Variants in C2CD3 observed in about 807,000 individuals in gnomAD.
C2CD3 encodes the protein C2 domain containing 3 centriole elongation regulator.
Under a neutral mutation model 234.0 loss-of-function variants are expected in C2CD3, and 148 were observed. The ratio of observed to expected loss-of-function variants is 0.63; its 90% CI spans 0.55 to 0.72. C2CD3 has a LOEUF of 0.72. Among genes scored for constraint, C2CD3 ranks in the 30% least tolerant of loss-of-function variants. The pLI is 0.00. For missense variants in C2CD3, 2,577 were observed against 2,811.5 expected, an observed-to-expected ratio of 0.92 and a Z score of 1.89; for synonymous variants, 1,000 against 1,035.4, an observed-to-expected ratio of 0.97 and a Z score of 0.66.
chr11:74,118,027 C>T (rs530683084), intron 9 of C2CD3, among the ~76,000 whole-genome samples: 1 of 152,180 alleles, frequency 6.6e-6, no homozygotes, highest in African/African-American at 2.4e-5. Context: ...AATCAAACAC[C>T]ACCTGTTCCC....
At chr11:74,113,754 G>A in intron 11 of C2CD3, 26 bp downstream of exon 11, 2 of 1,250,422 alleles carry the variant, frequency 1.6e-6, no homozygotes, top group Non-Finnish European at 2.4e-6. Context: ...AATGTCTAAG[G>A]TGCAGAAAAC....
At position 74,116,950 on chromosome 11, in the gene C2CD3, ATATATGTG is replaced by A. The variant is rs1189876514; in HGVS notation, c.1520+1270_1520+1277del. ...CACGTGTATATACACATATACACGT[ATATATGTG>A]TATATACACATATACACGTATATAT... is the stretch of plus-strand genomic sequence containing the variant. On this transcript the variant is annotated intron_variant, in intron 9 of 32. Coordinates refer to ENST00000334126, the MANE Select transcript of C2CD3 (RefSeq NM_001286577.2). 6.2e-4 allele frequency among the ~76,000 whole-genome samples: 55 copies of A among 88,946 alleles called. 1 individual carries two copies. Among genetic ancestry groups the A allele is most frequent in the Non-Finnish European group, 1.1e-3 (45 of 39,910 alleles). The allele number at this position is 88,946 out of a possible 152,430, so 58.4% of individuals were successfully genotyped here.
chr11:74,092,828 A>G (rs1955948233), intron 18 of C2CD3, among the ~76,000 whole-genome samples: 1 of 152,096 alleles, frequency 6.6e-6, no homozygotes, highest in South Asian at 2.1e-4. Flanking sequence ...GTAACTGTAC[A>G]TGCCTTGAAC....
At position 74,013,457 on chromosome 11, in the gene C2CD3, G is replaced by C; in HGVS notation, c.6990C>G (p.Pro2330=). 1 of 1,433,378 alleles carries C rather than the reference G, an allele frequency of 7.0e-7. No individual in the cohort carries two copies. Among genetic ancestry groups the C allele is most frequent in the Non-Finnish European group, 9.1e-7 (1 of 1,098,080 alleles). 88.8% of individuals were successfully genotyped at this position (1,433,378 alleles called of 1,614,324 possible). ...RPCRPRPNSL[P]LNLPEEETLR... ...GAGTTTCTTCCTCAGGCAGGTTGAGGGGGAGCGAGTTAGGTCTGGGGCGAC... is the reference window on the plus strand; with the variant it reads ...GAGTTTCTTCCTCAGGCAGGTTGAGCGGGAGCGAGTTAGGTCTGGGGCGAC... The change falls in exon 33 of 33, where the codon CCC becomes CCG. Residue 2330 remains proline, a synonymous_variant. Coordinates refer to ENST00000334126, the MANE Select transcript of C2CD3 (RefSeq NM_001286577.2).
At chr11:74,078,029 A>G (rs1282292238) in intron 23 of C2CD3, 86 bp downstream of exon 23, 1 of 1,462,226 alleles carries the variant, frequency 6.8e-7, no homozygotes, top group African/African-American at 1.4e-5. Context: ...GGTCAAGTAA[A>G]GTAATGTCTG....
intron 3 of C2CD3, among the ~76,000 whole-genome samples, chr11:74,146,864 C>T (rs1206177566): frequency 6.6e-6 from 1 of 151,838 alleles, no homozygotes; most frequent in African/African-American, 2.4e-5. Flanking sequence ...ACCAGCCTGG[C>T]CAACATGGTG....
rs1951767476 is a variant in C2CD3, at chr11:74,013,486, G to A, written c.6961C>T (p.Pro2321Ser). Reference sequence around the variant, plus strand: ...AGCGAGTTAGGTCTGGGGCGACAAGGCCTTTGGGAGAGAGCTCCCCTGGTG... The same window carrying A: ...AGCGAGTTAGGTCTGGGGCGACAAGACCTTTGGGAGAGAGCTCCCCTGGTG... Reference protein sequence around the residue: ...EATRGALSQRPCRPRPNSLPL... With the variant: ...EATRGALSQRSCRPRPNSLPL... Residue 2321 changes from proline to serine, a missense_variant, in exon 33 of 33, where the codon CCT (proline) becomes TCT (serine). By Grantham distance (74) the Pro-to-Ser change is moderately conservative. Transcript: ENST00000334126. 1 of 1,399,992 alleles carries A rather than the reference G, an allele frequency of 7.1e-7. No individual in the cohort carries two copies. The highest frequency in any genetic ancestry group is 3.3e-5 in the Admixed American group (1 of 30,650). 86.7% of individuals were successfully genotyped at this position (1,399,992 alleles called of 1,614,324 possible).
At chr11:74,023,750 T>C (rs1565203475) in intron 32 of C2CD3, among the ~76,000 whole-genome samples, 1 of 152,072 alleles carries the variant, frequency 6.6e-6, no homozygotes, top group Non-Finnish European at 1.5e-5. Flanking sequence ...AGCCTTCCCA[T>C]ATTAAAAAAC....
At chr11:74,080,451 C>A (rs1317275489) in intron 22 of C2CD3, among the ~76,000 whole-genome samples, 1 of 152,008 alleles carries the variant, frequency 6.6e-6, no homozygotes, top group African/African-American at 2.4e-5. Flanking sequence ...TGGTCACAGA[C>A]CCTTTTGGCT....
chr11:74,156,438 G>T (rs1856024234), intron 3 of C2CD3, among the ~76,000 whole-genome samples: 1 of 140,114 alleles, frequency 7.1e-6, no homozygotes, highest in Non-Finnish European at 1.5e-5. Context: ...TCCAGCCTGG[G>T]CGCACAGTAA....
In C2CD3 at chr11:74,169,562, T is replaced by C. The variant is rs1290700050; in HGVS notation, c.56-949A>G. 5.3e-5 allele frequency among the ~76,000 whole-genome samples: 8 copies of C among 152,292 alleles called. No homozygotes were observed. The East Asian group carries it at 1.5e-3, about 29-fold the overall frequency. On this transcript the variant is annotated intron_variant, in intron 1 of 32. Transcript: ENST00000334126. ...ATGCAAACACCGCCTCTGCCCTCTATAGTGGAGAAAAGACCCACCATAATC... is the reference window on the plus strand; with the variant it reads ...ATGCAAACACCGCCTCTGCCCTCTACAGTGGAGAAAAGACCCACCATAATC...
intron 3 of C2CD3, among the ~76,000 whole-genome samples, chr11:74,140,991 C>G (rs1958031257): frequency 6.6e-6 from 1 of 152,048 alleles, no homozygotes; most frequent in African/African-American, 2.4e-5. Flanking sequence ...TGAAGCAAAA[C>G]CTTAAGGAAG....
chr11:74,161,391 A>C lies in C2CD3; in HGVS notation c.483+8T>G. The C allele has an allele frequency of 6.5e-7, 1 of 1,537,362 alleles. No homozygotes were observed. Among genetic ancestry groups the C allele is most frequent in the South Asian group, 1.2e-5 (1 of 82,684 alleles). ...TTTATGCAGCAAATAATTAAAATAT[A>C]TTTTTACCTGGAGTTCTCCAAGTTT... On this transcript the variant is annotated splice_region_variant and intron_variant, in intron 3 of 32. Coordinates refer to ENST00000334126, the MANE Select transcript of C2CD3 (RefSeq NM_001286577.2).
rs1232017374 is a variant in C2CD3, at chr11:74,118,240, C to T, written c.1508G>A (p.Gly503Asp). ...SDHKLKKRSA[G>D]KRNRNLVEQQ... is the part of the protein sequence containing the mutation. ...CAGAGCAGCTCACCTATTTCTCTTG[C>T]CTGCTGACCTCTTCTTCAGCTTATG... The change falls in exon 9 of 33, where the codon GGC becomes GAC. Residue 503 changes from glycine (G) to aspartate (D), a missense_variant. Transcript: ENST00000334126. 9 of 1,612,802 alleles carry T rather than the reference C, an allele frequency of 5.6e-6. No homozygotes were observed. In the South Asian group the frequency reaches 8.8e-5, roughly 16 times the overall value.
At position 74,100,527 on chromosome 11, in the gene C2CD3, G is replaced by A. The variant is rs756138748; in HGVS notation, c.2730C>T (p.Phe910=). ...ATACTCCAAAAGGTCCTATTTACTT[G>A]AATGACATGTAAAACTGGTGGAGGG... ...KLPLHQFYMS[F]KDAKISRLLL... The change falls in exon 15 of 33, where the codon TTC becomes TTT. Residue 910 remains phenylalanine (F), a splice_region_variant and synonymous_variant. Transcript: ENST00000334126. 1.2e-6 allele frequency: 2 copies of A among 1,608,188 alleles called. No individual in the cohort carries two copies. The highest frequency in any genetic ancestry group is 1.7e-6 in the Non-Finnish European group (2 of 1,178,304).
intron 24 of C2CD3, among the ~76,000 whole-genome samples, chr11:74,061,524 C>A (rs1209906624): frequency 6.6e-6 from 1 of 152,182 alleles, no homozygotes; most frequent in African/African-American, 2.4e-5. Flanking sequence ...TCCAGTCAAA[C>A]TGAGCTTCAT....
chr11:74,108,314 T>TA (rs1322896278), intron 12 of C2CD3, among the ~76,000 whole-genome samples: 1 of 152,124 alleles, frequency 6.6e-6, no homozygotes, highest in African/African-American at 2.4e-5. Flanking sequence ...AAAGGACCTG[T>TA]ATTGTATATG....
chr11:74,053,177 A>G (rs541170017), intron 26 of C2CD3, among the ~76,000 whole-genome samples: 29 of 152,372 alleles, frequency 1.9e-4, no homozygotes, highest in Admixed American at 5.9e-4. Context: ...TCAAGCCACT[A>G]AATTTCCTTG....
intron 28 of C2CD3, 122 bp from the exon 29 acceptor site, chr11:74,042,340 C>G: frequency 2.0e-6 from 2 of 993,404 alleles, no homozygotes; most frequent in East Asian, 2.6e-5. Context: ...TCCCCACTAT[C>G]ACAGTTCTGG....
Sources: gnomAD v4.1 joint callset for allele counts (sites outside exome capture counted in the v4.1 genomes callset) on GRCh38, gnomAD v4.1.1 for gene constraint, MANE v1.5 for transcripts, NCBI Gene and HGNC (gene_info 2026-07-23, HGNC 2026-07-21) for gene names.